The following UBQLN1 variants were observed in gnomAD, a reference collection of about 807,000 sequenced individuals.
UBQLN1 encodes ubiquilin 1, also known as ubiquilin-1.
A neutral mutation model predicts 65.4 loss-of-function variants in UBQLN1; 13 were observed. The observed-to-expected ratio is 0.20, with a 90% confidence interval of 0.13 to 0.32. UBQLN1 has a LOEUF of 0.32. Ranked by LOEUF, UBQLN1 falls within the 10% of genes least tolerant of loss-of-function variation. UBQLN1 has a pLI of 1.00. For synonymous variants in UBQLN1, 267 were observed against 247.8 expected, an observed-to-expected ratio of 1.08 and a Z score of -0.73; for missense variants, 561 against 724.0, an observed-to-expected ratio of 0.77 and a Z score of 2.58.
chr9:83,679,141 T>C (rs1831896097), intron 4 of UBQLN1, among the ~76,000 whole-genome samples: 1 of 151,942 alleles, frequency 6.6e-6, no homozygotes, highest in Admixed American at 6.6e-5. Context: ...GGGGCCAGTT[T>C]CCCCCCCAAA....
chr9:83,704,662 T>C (rs184421855), intron 1 of UBQLN1, among the ~76,000 whole-genome samples: 32 of 152,048 alleles, frequency 2.1e-4, no homozygotes, highest in African/African-American at 7.2e-4. Flanking sequence ...CTGTCTCTAC[T>C]ACAAATAGGA....
At chr9:83,671,040 A>T (rs1831721270) in intron 6 of UBQLN1, among the ~76,000 whole-genome samples, 1 of 152,044 alleles carries the variant, frequency 6.6e-6, no homozygotes, top group Non-Finnish European at 1.5e-5. Context: ...AACATAGCTC[A>T]CTGCTGCCTG....
intron 1 of UBQLN1, among the ~76,000 whole-genome samples, chr9:83,696,099 C>A (rs917634878): frequency 6.6e-6 from 1 of 152,156 alleles, no homozygotes; most frequent in East Asian, 1.9e-4. Flanking sequence ...ACCACCACGC[C>A]CAGCTAATTT....
At chr9:83,690,745 C>CAA (rs34407853) in intron 1 of UBQLN1, among the ~76,000 whole-genome samples, 2,219 of 146,350 alleles carry the variant, frequency 0.015, 25 homozygotes, top group Non-Finnish European at 0.024. Flanking sequence ...GACTCTGTCT[C>CAA]AAAAAAAAAA....
At position 83,695,412 on chromosome 9, in the gene UBQLN1, C is replaced by A. The variant is rs986728199; in HGVS notation, c.181-9257G>T. On this transcript the variant is annotated intron_variant, in intron 1 of 10. Coordinates refer to ENST00000376395, the MANE Select transcript of UBQLN1 (RefSeq NM_013438.5). ...ATGGGGTTTCACTATATTGGCCAGG[C>A]TGGTCTTGAACTCCTGACCTTGTGA... is the stretch of plus-strand genomic sequence containing the variant. 6.6e-5 allele frequency among the ~76,000 whole-genome samples: 10 copies of A among 152,136 alleles called. No homozygotes were observed. In the East Asian group the frequency reaches 1.9e-3, roughly 29 times the overall value.
chr9:83,698,495 G>C (rs1033997583), intron 1 of UBQLN1, among the ~76,000 whole-genome samples: 1 of 152,104 alleles, frequency 6.6e-6, no homozygotes, highest in Non-Finnish European at 1.5e-5. Context: ...AGACATACTG[G>C]GTTAAATAAA....
At chr9:83,687,051 CA>C (rs1832052734) in intron 1 of UBQLN1, among the ~76,000 whole-genome samples, 1 of 151,642 alleles carries the variant, frequency 6.6e-6, no homozygotes, top group Non-Finnish European at 1.5e-5. Flanking sequence ...TTACTTTATT[CA>C]ATATTTATTA....
At chr9:83,703,584 G>T (rs1200146604) in intron 1 of UBQLN1, among the ~76,000 whole-genome samples, 1 of 152,076 alleles carries the variant, frequency 6.6e-6, no homozygotes, top group Non-Finnish European at 1.5e-5. Flanking sequence ...TCCCATAAGG[G>T]ATACTCAAAA....
chr9:83,682,701 T>C (rs1342410469), intron 3 of UBQLN1, among the ~76,000 whole-genome samples: 1 of 152,142 alleles, frequency 6.6e-6, no homozygotes, highest in Non-Finnish European at 1.5e-5. Flanking sequence ...AATTATGTGG[T>C]AGTCAGATCA....
intron 1 of UBQLN1, among the ~76,000 whole-genome samples, chr9:83,698,595 T>C (rs1209828288): frequency 1.3e-5 from 2 of 152,228 alleles, no homozygotes; most frequent in South Asian, 2.1e-4. Context: ...TACATACATA[T>C]AATGGAATAT....
chr9:83,705,935 A>AT (rs145259475), intron 1 of UBQLN1, among the ~76,000 whole-genome samples: 4,969 of 151,732 alleles, frequency 0.033, 247 homozygotes, highest in African/African-American at 0.11. Flanking sequence ...AACTTAGGGC[A>AT]TAAAAAAAAA....
In UBQLN1 at chr9:83,707,518, C is replaced by A. The variant is rs764735825; in HGVS notation, c.162G>T (p.Glu54Asp). The stretch of plus-strand genomic sequence containing the variant: ...GCCTCACCTGCTGGACGGAGCTATT[C>A]TCGGGCACGGCGAATTCCTCCTTTT... ...PKEKEEFAVPENSSVQQFKEE... is the reference protein window; with the variant it reads ...PKEKEEFAVPDNSSVQQFKEE... Residue 54 changes from glutamate to aspartate, a missense_variant, in exon 1 of 11, where the codon GAG becomes GAT. Transcript: ENST00000376395. The A allele has an allele frequency of 1.7e-5, 27 of 1,610,870 alleles. 1 individual carries two copies. Among genetic ancestry groups the A allele is most frequent in the Middle Eastern group, 1.7e-4 (1 of 6,054 alleles).
At chr9:83,707,381 C>G in intron 1 of UBQLN1, 119 bp downstream of exon 1, 2 of 1,141,898 alleles carry the variant, frequency 1.8e-6, no homozygotes, top group Non-Finnish European at 2.4e-6. Flanking sequence ...TTTGGGACGA[C>G]GCCCGGGAGA....
chr9:83,701,230 A>T (rs1347729796), intron 1 of UBQLN1, among the ~76,000 whole-genome samples: 2 of 152,076 alleles, frequency 1.3e-5, no homozygotes, highest in African/African-American at 4.8e-5. Flanking sequence ...ATTATATATT[A>T]ATAAAAATAA....
intron 10 of UBQLN1, among the ~76,000 whole-genome samples, chr9:83,662,881 C>G (rs962216257): frequency 4.6e-5 from 7 of 152,044 alleles, no homozygotes; most frequent in African/African-American, 1.4e-4. Context: ...TTGAGACCAA[C>G]CTGGGCAACA....
intron 1 of UBQLN1, among the ~76,000 whole-genome samples, chr9:83,695,196 C>G (rs1005096686): frequency 1.4e-4 from 19 of 131,230 alleles, no homozygotes; most frequent in African/African-American, 4.5e-4. Context: ...AATGGGCCCT[C>G]CCACCTTTTT....
chr9:83,668,563 A>G, intron 7 of UBQLN1: 2 of 985,554 alleles, frequency 2.0e-6, no homozygotes, highest in Non-Finnish European at 2.4e-6. Context: ...GGTACTGTCT[A>G]TAAAGCTTCC....
intron 1 of UBQLN1, among the ~76,000 whole-genome samples, chr9:83,686,685 CCTTT>C (rs1198450043): frequency 1.3e-5 from 2 of 152,132 alleles, no homozygotes; most frequent in East Asian, 3.8e-4. Flanking sequence ...CAGTCCTGTT[CCTTT>C]CTTTCTAGTT....
intron 3 of UBQLN1, among the ~76,000 whole-genome samples, chr9:83,682,443 CA>C (rs1276729283): frequency 6.6e-6 from 1 of 152,006 alleles, no homozygotes; most frequent in Non-Finnish European, 1.5e-5. Context: ...GGCATCACTG[CA>C]CTCTAGCCTC....
Sources: gnomAD v4.1 joint callset for allele counts (sites outside exome capture counted in the v4.1 genomes callset) on GRCh38, gnomAD v4.1.1 for gene constraint, MANE v1.5 for transcripts, NCBI Gene and HGNC (gene_info 2026-07-23, HGNC 2026-07-21) for gene names.